WDFY4: variants seen among roughly 807,000 people sequenced by gnomAD.
The protein encoded by WDFY4 is WD repeat- and FYVE domain-containing protein 4.
In WDFY4, 169 loss-of-function variants were observed where a neutral mutation model predicts 351.9. That is an observed-to-expected ratio of 0.48 (90% CI 0.42 to 0.55). WDFY4 has a LOEUF of 0.55. WDFY4 is among the 20% of genes least tolerant of loss of function. The pLI is 0.00. For synonymous variants in WDFY4, 1,622 were observed against 1,574.6 expected, an observed-to-expected ratio of 1.03 and a Z score of -0.71; for missense variants, 3,803 against 3,935.6, an observed-to-expected ratio of 0.97 and a Z score of 0.90.
chr10:48,887,084 CCAGA>C (rs1388994790), intron 43 of WDFY4, among the ~76,000 whole-genome samples: 1 of 152,232 alleles, frequency 6.6e-6, no homozygotes, highest in Non-Finnish European at 1.5e-5. Flanking sequence ...CCAGCTCTCA[CCAGA>C]CATTTTTCTT....
chr10:48,772,543 CTTTTT>C (rs370554273), intron 13 of WDFY4, among the ~76,000 whole-genome samples: 6 of 83,002 alleles, frequency 7.2e-5, no homozygotes, highest in East Asian at 3.6e-4. Context: ...TTTGCATTTT[CTTTTT>C]TTTTTTTTTT....
chr10:48,971,583 CATGTTTCACTGA>C (rs927708876), intron 57 of WDFY4, among the ~76,000 whole-genome samples: 5 of 151,878 alleles, frequency 3.3e-5, no homozygotes, highest in African/African-American at 1.2e-4. Context: ...TTCACTGAAA[CATGTTTCACTGA>C]AACATGTTCT....
At chr10:48,800,985 G>A (rs776525617) in intron 24 of WDFY4, among the ~76,000 whole-genome samples, 17 of 152,010 alleles carry the variant, frequency 1.1e-4, no homozygotes, top group South Asian at 2.1e-4. Context: ...CACCCACCTC[G>A]GCCTCCCAAA....
chr10:48,803,192 G>A (rs1465422752), intron 24 of WDFY4, 94 bp from the exon 25 acceptor site: 1 of 1,212,010 alleles, frequency 8.3e-7, no homozygotes, highest in Non-Finnish European at 1.2e-6. Context: ...CCACGTCAGA[G>A]GATCACCTGT....
At chr10:48,870,085 A>G (rs1018009059) in intron 40 of WDFY4, among the ~76,000 whole-genome samples, 3 of 152,168 alleles carry the variant, frequency 2.0e-5, no homozygotes, top group Non-Finnish European at 4.4e-5. Context: ...GGCCCATCCT[A>G]TAACCATTCA....
In WDFY4 at chr10:48,897,446, C is replaced by T. The variant is rs751466572; in HGVS notation, c.7317-8C>T. ...AACATGTGCCCTGCATGCCTGTTTC[C>T]TTTTCAGCATCAGCGATCCGTTCAT... is the stretch of plus-strand genomic sequence containing the variant. On this transcript the variant is annotated splice_region_variant and splice_polypyrimidine_tract_variant and intron_variant, in intron 44 of 61. Coordinates refer to ENST00000325239, the MANE Select transcript of WDFY4 (RefSeq NM_001394531.1). 3.0e-5 allele frequency: 47 copies of T among 1,550,534 alleles called. No homozygotes were observed. Among genetic ancestry groups the T allele is most frequent in the Non-Finnish European group, 3.9e-5 (45 of 1,146,400 alleles).
At chr10:48,762,873 A>T (rs2065553335) in intron 13 of WDFY4, among the ~76,000 whole-genome samples, 1 of 152,228 alleles carries the variant, frequency 6.6e-6, no homozygotes, top group South Asian at 2.1e-4. Context: ...GGTCAAAGTT[A>T]GTCAGGGGCT....
intron 40 of WDFY4, among the ~76,000 whole-genome samples, chr10:48,872,051 G>A (rs998984492): frequency 6.6e-6 from 1 of 152,108 alleles, no homozygotes; most frequent in African/African-American, 2.4e-5. Flanking sequence ...CCTCCAGATT[G>A]AACTGCTGGT....
chr10:48,885,728 C>CTA (rs1232120521), intron 43 of WDFY4, among the ~76,000 whole-genome samples: 1,461 of 135,702 alleles, frequency 0.011, 15 homozygotes, highest in African/African-American at 0.036. Flanking sequence ...CTCTCTCTCT[C>CTA]TCTCTCTATA....
chr10:48,814,677 C>T (rs1037149538), intron 31 of WDFY4, among the ~76,000 whole-genome samples: 2 of 152,182 alleles, frequency 1.3e-5, no homozygotes, highest in African/African-American at 2.4e-5. Flanking sequence ...CCTGTAGGCA[C>T]CAAAGGCAAT....
chr10:48,856,363 T>C (rs2069133888), intron 39 of WDFY4, among the ~76,000 whole-genome samples: 1 of 152,148 alleles, frequency 6.6e-6, no homozygotes, highest in South Asian at 2.1e-4. Context: ...ACCTGTCAGA[T>C]TGATAAGAGT....
chr10:48,944,698 A>G (rs1279012529), intron 49 of WDFY4, among the ~76,000 whole-genome samples: 2 of 152,244 alleles, frequency 1.3e-5, no homozygotes, highest in Non-Finnish European at 2.9e-5. Flanking sequence ...CTAATGGTCC[A>G]TCGGAGGCTG....
intron 1 of WDFY4, among the ~76,000 whole-genome samples, chr10:48,699,267 C>T (rs535389878): frequency 3.9e-5 from 6 of 152,296 alleles, no homozygotes; most frequent in East Asian, 3.9e-4. Context: ...GGAGATCACA[C>T]ACTCAGTGTT....
At chr10:48,955,684 T>C (rs889796484) in intron 51 of WDFY4, among the ~76,000 whole-genome samples, 34 of 152,242 alleles carry the variant, frequency 2.2e-4, no homozygotes, top group Non-Finnish European at 4.7e-4. Flanking sequence ...ATGCAGCTGC[T>C]GTGAGGATTA....
chr10:48,872,701 TA>T (rs1239682855), intron 40 of WDFY4, among the ~76,000 whole-genome samples: 1 of 152,228 alleles, frequency 6.6e-6, no homozygotes, highest in African/African-American at 2.4e-5. Context: ...ATGTGGTCTA[TA>T]AATGCAGGTT....
Position 48,701,383 on chromosome 10 carries a change from C to T in WDFY4, c.-17-8333C>T, listed in dbSNP as rs146784196. On this transcript the variant is annotated intron_variant, in intron 1 of 61. Coordinates refer to ENST00000325239, the MANE Select transcript of WDFY4 (RefSeq NM_001394531.1). ...ATGCTATTAGGAACATGGGTGTACA[C>T]GTGTCTGCTTGTGTCCCCACTTTCA... Among the ~76,000 whole-genome samples, 58 of 152,328 alleles carry T rather than the reference C, an allele frequency of 3.8e-4. 1 individual carries two copies. In the East Asian group the frequency reaches 7.1e-3, roughly 19 times the overall value.
chr10:48,872,963 C>A (rs940622020), intron 40 of WDFY4, among the ~76,000 whole-genome samples: 1 of 152,160 alleles, frequency 6.6e-6, no homozygotes, highest in Non-Finnish European at 1.5e-5. Context: ...ATTCTGAGAT[C>A]CAGAGATGGG....
intron 5 of WDFY4, 44 bp downstream of exon 5, chr10:48,723,611 C>T (rs565244981): frequency 1.3e-6 from 2 of 1,549,288 alleles, no homozygotes; most frequent in South Asian, 1.2e-5. Flanking sequence ...CAAAACCTCA[C>T]TTCGGGGACA....
At chr10:48,894,171 G>A (rs1421931012) in intron 44 of WDFY4, among the ~76,000 whole-genome samples, 1 of 152,068 alleles carries the variant, frequency 6.6e-6, no homozygotes, top group East Asian at 1.9e-4. Context: ...TCCTCTATAT[G>A]GCTATTCAGT....
Sources: allele counts gnomAD v4.1 joint callset (sites outside exome capture counted in the v4.1 genomes callset), GRCh38; gene constraint gnomAD v4.1.1; transcripts MANE v1.5; gene names NCBI Gene and HGNC (gene_info 2026-07-23, HGNC 2026-07-21).